SGCZ: variants seen among roughly 807,000 people sequenced by gnomAD.
The protein encoded by SGCZ is zeta-sarcoglycan.
A neutral mutation model predicts 41.3 loss-of-function variants in SGCZ; 40 were observed. The observed-to-expected ratio is 0.97, with a 90% confidence interval of 0.75 to 1.26. The LOEUF is 1.26. SGCZ is among the 50% of genes most tolerant of loss of function. The probability of loss-of-function intolerance (pLI) is 0.00; values close to 1 mark genes in which losing one functional copy is unlikely to be tolerated. For synonymous variants in SGCZ, 206 were observed against 137.5 expected, an observed-to-expected ratio of 1.50 and a Z score of -3.49; for missense variants, 552 against 369.8, an observed-to-expected ratio of 1.49 and a Z score of -4.04.
intron 1 of SGCZ, among the ~76,000 whole-genome samples, chr8:15,057,090 G>A (rs1055062593): frequency 3.3e-5 from 5 of 152,158 alleles, no homozygotes; most frequent in Admixed American, 1.3e-4. Context: ...CTCTGGCATC[G>A]CTGTTCCCCG....
chr8:14,220,529 CG>C (rs1364013709), intron 4 of SGCZ, among the ~76,000 whole-genome samples: 1 of 151,978 alleles, frequency 6.6e-6, no homozygotes, highest in Non-Finnish European at 1.5e-5. Context: ...CCTCAGGGGA[CG>C]CCTTTGAGAT....
intron 1 of SGCZ, among the ~76,000 whole-genome samples, chr8:15,005,726 A>G (rs1381919114): frequency 1.3e-5 from 2 of 152,078 alleles, no homozygotes; most frequent in African/African-American, 4.8e-5. Context: ...AGTCTTCATA[A>G]GAAGCAAATT....
At chr8:14,874,619 A>C (rs1393487720) in intron 1 of SGCZ, among the ~76,000 whole-genome samples, 5 of 152,170 alleles carry the variant, frequency 3.3e-5, no homozygotes, top group Admixed American at 3.3e-4. Flanking sequence ...TTCAACTTCT[A>C]CATTGCCTTT....
chr8:14,725,219 C>A (rs1266128531), intron 1 of SGCZ, among the ~76,000 whole-genome samples: 2 of 152,106 alleles, frequency 1.3e-5, no homozygotes, highest in East Asian at 1.9e-4. Flanking sequence ...TGTATATAGA[C>A]CACCTTTACT....
chr8:14,568,345 C>T (rs1448635690), intron 1 of SGCZ, among the ~76,000 whole-genome samples: 5 of 146,860 alleles, frequency 3.4e-5, no homozygotes, highest in South Asian at 4.3e-4. Context: ...CACATGTATA[C>T]GTATGTAACA....
chr8:15,052,861 T>C (rs1222715727), intron 1 of SGCZ, among the ~76,000 whole-genome samples: 1 of 152,150 alleles, frequency 6.6e-6, no homozygotes, highest in African/African-American at 2.4e-5. Flanking sequence ...CACTGAACTC[T>C]CTATGAAAAA....
chr8:15,029,590 T>C (rs913515918), intron 1 of SGCZ, among the ~76,000 whole-genome samples: 2 of 152,202 alleles, frequency 1.3e-5, no homozygotes, highest in Non-Finnish European at 2.9e-5. Flanking sequence ...TATTTAACAA[T>C]GTATGTTAAA....
At chr8:14,448,216 T>C (rs1410300581) in intron 2 of SGCZ, among the ~76,000 whole-genome samples, 2 of 152,188 alleles carry the variant, frequency 1.3e-5, no homozygotes, top group African/African-American at 2.4e-5. Flanking sequence ...CCAACTGCAA[T>C]ATTCTGCTAC....
rs916534388 is a variant in SGCZ at position 14,851,228 on chromosome 8, G to A, written c.40-296302C>T. On this transcript the variant is annotated intron_variant, in intron 1 of 7. Coordinates refer to ENST00000382080, the MANE Select transcript of SGCZ (RefSeq NM_139167.4). ...ACTAAAAATACAAAAAATTAGCCAG[G>A]CATCGTGGCAGGCGCCTGTAGTCCC... 3.3e-5 allele frequency among the ~76,000 whole-genome samples: 5 copies of A among 151,764 alleles called. No homozygotes were observed. In the South Asian group the frequency reaches 6.2e-4, roughly 19 times the overall value.
intron 1 of SGCZ, among the ~76,000 whole-genome samples, chr8:14,820,496 T>G (rs557318582): frequency 1.8e-4 from 27 of 152,180 alleles, no homozygotes; most frequent in African/African-American, 6.0e-4. Context: ...CAAATGGACT[T>G]AATGAACATT....
intron 1 of SGCZ, among the ~76,000 whole-genome samples, chr8:14,796,931 T>C (rs1438966212): frequency 2.0e-5 from 3 of 152,208 alleles, no homozygotes; most frequent in Non-Finnish European, 2.9e-5. Flanking sequence ...TGCCACCCGA[T>C]GAAGAGGTGA....
At chr8:14,144,312 G>C (rs1803458323) in intron 5 of SGCZ, among the ~76,000 whole-genome samples, 1 of 152,134 alleles carries the variant, frequency 6.6e-6, no homozygotes, top group African/African-American at 2.4e-5. Context: ...GTCATAGTCA[G>C]AGTCATGAGG....
intron 1 of SGCZ, among the ~76,000 whole-genome samples, chr8:14,665,311 C>A (rs558102720): frequency 6.6e-6 from 1 of 152,090 alleles, no homozygotes; most frequent in African/African-American, 2.4e-5. Context: ...TGGTTTCCAG[C>A]TTCATCCATG....
chr8:14,091,601 C>G (rs1055360458), intron 7 of SGCZ, among the ~76,000 whole-genome samples: 2 of 152,032 alleles, frequency 1.3e-5, no homozygotes, highest in African/African-American at 4.8e-5. Context: ...TTTCATGTGT[C>G]TGTTGGCTGC....
intron 2 of SGCZ, among the ~76,000 whole-genome samples, chr8:14,479,442 T>A (rs977413717): frequency 6.6e-6 from 1 of 152,130 alleles, no homozygotes; most frequent in Admixed American, 6.5e-5. Context: ...GGTTTGGGTC[T>A]CCCAGTTCAC....
intron 3 of SGCZ, among the ~76,000 whole-genome samples, chr8:14,282,117 G>T (rs1429406146): frequency 7.9e-6 from 1 of 125,960 alleles, no homozygotes; most frequent in African/African-American, 3.0e-5. Context: ...AAAGTTGACT[G>T]CACATCTACT....
At chr8:14,942,637 G>C (rs1433067335) in intron 1 of SGCZ, among the ~76,000 whole-genome samples, 1 of 152,130 alleles carries the variant, frequency 6.6e-6, no homozygotes, top group Admixed American at 6.6e-5. Flanking sequence ...CCAAATGTAT[G>C]CCTCCGTAAC....
chr8:14,523,166 T>A (rs926293466), intron 2 of SGCZ, among the ~76,000 whole-genome samples: 1 of 152,034 alleles, frequency 6.6e-6, no homozygotes, highest in African/African-American at 2.4e-5. Context: ...TAGAGAGTGT[T>A]GTAATTCTTG....
At chr8:15,141,134 T>C (rs577383205) in intron 1 of SGCZ, among the ~76,000 whole-genome samples, 2 of 152,384 alleles carry the variant, frequency 1.3e-5, no homozygotes, top group South Asian at 4.1e-4. Context: ...CTTTCTCTTA[T>C]ACACATTTAT....
Sources: gnomAD v4.1 joint callset for allele counts (sites outside exome capture counted in the v4.1 genomes callset) on GRCh38, gnomAD v4.1.1 for gene constraint, MANE v1.5 for transcripts, NCBI Gene and HGNC (gene_info 2026-07-23, HGNC 2026-07-21) for gene names.